The following RBFOX1 variants were observed in gnomAD, a reference collection of about 807,000 sequenced individuals.
The protein encoded by RBFOX1 is RNA binding protein fox-1 homolog 1.
In RBFOX1, 8 loss-of-function variants were observed where a neutral mutation model predicts 57.7. The ratio of observed to expected loss-of-function variants is 0.14; its 90% CI spans 0.08 to 0.25. The LOEUF (loss-of-function observed/expected upper bound fraction) is 0.25. Ranked by LOEUF, RBFOX1 falls within the 10% of genes least tolerant of loss-of-function variation. The probability of loss-of-function intolerance (pLI) is 1.00; values close to 1 mark genes in which losing one functional copy is unlikely to be tolerated. For missense variants in RBFOX1, 611 were observed against 548.5 expected (o/e 1.11, Z -1.14); for synonymous variants, 326 against 222.4 (o/e 1.47, Z -4.15).
At chr16:6,885,349 T>G (rs770328217) in intron 3 of RBFOX1, among the ~76,000 whole-genome samples, 2 of 152,136 alleles carry the variant, frequency 1.3e-5, no homozygotes, top group Non-Finnish European at 2.9e-5. Flanking sequence ...GTCTCTGATT[T>G]AAACAAGCCT....
chr16:7,642,885 G>A (rs2063080023), intron 11 of RBFOX1, among the ~76,000 whole-genome samples: 2 of 152,126 alleles, frequency 1.3e-5, no homozygotes, highest in Admixed American at 6.5e-5. Flanking sequence ...AACACTCCAA[G>A]ACTGAGACTC....
intron 4 of RBFOX1, among the ~76,000 whole-genome samples, chr16:7,355,003 A>G (rs2097190216): frequency 6.6e-6 from 1 of 152,230 alleles, no homozygotes; most frequent in African/African-American, 2.4e-5. Flanking sequence ...ATAAAAATTA[A>G]TAGTTAACGT....
chr16:7,570,210 G>A (rs5028446), intron 5 of RBFOX1, among the ~76,000 whole-genome samples: 58,436 of 149,112 alleles, frequency 0.39, 11,730 homozygotes, highest in South Asian at 0.53. Flanking sequence ...CTAAAATGAC[G>A]TATATCACTT....
chr16:6,649,734 G>A (rs139369314), intron 2 of RBFOX1, among the ~76,000 whole-genome samples: 1 of 152,054 alleles, frequency 6.6e-6, no homozygotes, highest in Admixed American at 6.6e-5. Flanking sequence ...CATTATATAT[G>A]TTGGGGAAGT....
chr16:6,061,117 A>T (rs2095680494), intron 1 of RBFOX1, among the ~76,000 whole-genome samples: 1 of 152,064 alleles, frequency 6.6e-6, no homozygotes, highest in Non-Finnish European at 1.5e-5. Flanking sequence ...TTCAGAAGTC[A>T]CCCCTAGTCC....
chr16:6,876,319 C>A (rs11640605), intron 3 of RBFOX1, among the ~76,000 whole-genome samples: 1 of 152,106 alleles, frequency 6.6e-6, no homozygotes, highest in African/African-American at 2.4e-5. Flanking sequence ...ATTCAATGGA[C>A]AATGAATGAC....
intron 1 of RBFOX1, among the ~76,000 whole-genome samples, chr16:6,072,980 C>T (rs1432944694): frequency 6.6e-6 from 1 of 152,142 alleles, no homozygotes; most frequent in Admixed American, 6.5e-5. Flanking sequence ...AATTATACCT[C>T]CATAAAACCA....
chr16:6,004,471 G>A (rs545110088), intron 4 of RBFOX1, among the ~76,000 whole-genome samples: 14 of 152,242 alleles, frequency 9.2e-5, no homozygotes, highest in Non-Finnish European at 1.9e-4. Flanking sequence ...AAATGGGTCA[G>A]TGTGATATGC....
intron 3 of RBFOX1, among the ~76,000 whole-genome samples, chr16:6,984,603 T>G (rs1234071534): frequency 2.0e-5 from 3 of 152,156 alleles, no homozygotes; most frequent in African/African-American, 7.2e-5. Context: ...GACAGAATCT[T>G]AGCTCTGCCC....
At chr16:6,253,699 G>GTA (rs373756943) in intron 1 of RBFOX1, among the ~76,000 whole-genome samples, 21 of 142,492 alleles carry the variant, frequency 1.5e-4, no homozygotes, top group African/African-American at 5.1e-4. Flanking sequence ...GTGTGTGTGT[G>GTA]TATATATATA....
At chr16:6,778,800 A>G (rs984920683) in intron 3 of RBFOX1, among the ~76,000 whole-genome samples, 11 of 151,970 alleles carry the variant, frequency 7.2e-5, no homozygotes, top group African/African-American at 2.7e-4. Flanking sequence ...CTTATAAATT[A>G]TTGATTGAAC....
chr16:7,171,842 G>A (rs993659038), intron 4 of RBFOX1, among the ~76,000 whole-genome samples: 24 of 152,066 alleles, frequency 1.6e-4, no homozygotes, highest in East Asian at 9.6e-4. Flanking sequence ...TTTGCTTATC[G>A]CATAGTTTAA....
intron 3 of RBFOX1, among the ~76,000 whole-genome samples, chr16:6,800,970 G>C (rs2085298344): frequency 6.6e-6 from 1 of 152,122 alleles, no homozygotes. Flanking sequence ...TCTGACAACA[G>C]TGTGGGAAAT....
At position 6,652,648 on chromosome 16, in the gene RBFOX1, C is replaced by T. The variant is rs184792321; in HGVS notation, c.-63-1955C>T. Among the ~76,000 whole-genome samples, 9 of 152,152 alleles carry T rather than the reference C, an allele frequency of 5.9e-5. No individual in the cohort carries two copies. The East Asian group carries it at 1.6e-3, about 26-fold the overall frequency. Reference sequence around the variant, plus strand: ...AAATAAACTTCAGTCGTTGAAGTCACCTAGTCTGTAATATTTTTTATGGCA... The same window carrying T: ...AAATAAACTTCAGTCGTTGAAGTCATCTAGTCTGTAATATTTTTTATGGCA... On this transcript the variant is annotated intron_variant, in intron 2 of 15. Coordinates refer to ENST00000550418, the MANE Select transcript of RBFOX1 (RefSeq NM_018723.4).
At chr16:5,905,135 T>C (rs1178537176) in intron 4 of RBFOX1, among the ~76,000 whole-genome samples, 1 of 145,338 alleles carries the variant, frequency 6.9e-6, no homozygotes, top group Non-Finnish European at 1.5e-5. Flanking sequence ...TGGTACAATC[T>C]TGGCTCACTG....
intron 5 of RBFOX1, among the ~76,000 whole-genome samples, chr16:7,557,257 T>A (rs1464258191): frequency 6.6e-6 from 1 of 152,138 alleles, no homozygotes; most frequent in Non-Finnish European, 1.5e-5. Flanking sequence ...ACAGCTTTAT[T>A]GCCAAAGAGA....
At chr16:7,373,444 T>G (rs2097611900) in intron 4 of RBFOX1, among the ~76,000 whole-genome samples, 1 of 152,132 alleles carries the variant, frequency 6.6e-6, no homozygotes, top group African/African-American at 2.4e-5. Flanking sequence ...GTTTCTTGGT[T>G]TTGTGAGACC....
chr16:7,480,090 A>G (rs1213855399), intron 4 of RBFOX1, among the ~76,000 whole-genome samples: 1 of 152,214 alleles, frequency 6.6e-6, no homozygotes, highest in Non-Finnish European at 1.5e-5. Context: ...GCTGTTGATT[A>G]TCATGTTCTT....
intron 4 of RBFOX1, among the ~76,000 whole-genome samples, chr16:7,467,641 C>A (rs1489760411): frequency 6.6e-6 from 1 of 152,056 alleles, no homozygotes; most frequent in Non-Finnish European, 1.5e-5. Context: ...ATAAGAGTGA[C>A]CTTGCTAGGG....
Sources: gnomAD v4.1 joint callset for allele counts (sites outside exome capture counted in the v4.1 genomes callset) on GRCh38, gnomAD v4.1.1 for gene constraint, MANE v1.5 for transcripts, NCBI Gene and HGNC (gene_info 2026-07-23, HGNC 2026-07-21) for gene names.